The following FHIT variants were observed in gnomAD, a reference collection of about 807,000 sequenced individuals.
FHIT encodes bis(5'-adenosyl)-triphosphatase.
FHIT carries 19 observed loss-of-function variants against 17.9 expected under a neutral mutation model. That is an observed-to-expected ratio of 1.06 (90% CI 0.74 to 1.56). The LOEUF (loss-of-function observed/expected upper bound fraction) is 1.56, where lower values mean the gene tolerates loss of function less well. FHIT is among the 40% of genes most tolerant of loss of function. FHIT has a pLI of 0.00. For missense variants in FHIT, 248 were observed against 189.2 expected (o/e 1.31, Z -1.82); for synonymous variants, 81 against 69.7 (o/e 1.16, Z -0.81).
chr3:60,374,745 A>G (rs1233078130), intron 5 of FHIT, among the ~76,000 whole-genome samples: 4 of 152,018 alleles, frequency 2.6e-5, no homozygotes, highest in African/African-American at 9.7e-5. Flanking sequence ...TTGCATACTC[A>G]ATTTTTCCAC....
At chr3:59,866,309 C>T (rs1702646920) in intron 8 of FHIT, among the ~76,000 whole-genome samples, 1 of 150,830 alleles carries the variant, frequency 6.6e-6, no homozygotes, top group Non-Finnish European at 1.5e-5. Flanking sequence ...CAGAAACAAG[C>T]TTAACGTGTC....
intron 7 of FHIT, among the ~76,000 whole-genome samples, chr3:60,001,946 T>C (rs115909829): frequency 9.7e-4 from 148 of 152,260 alleles, no homozygotes; most frequent in African/African-American, 3.4e-3. Context: ...ATGGAAAGCA[T>C]GATAAGAAAA....
chr3:60,206,937 C>T (rs1036372444), intron 5 of FHIT, among the ~76,000 whole-genome samples: 13 of 152,144 alleles, frequency 8.5e-5, no homozygotes, highest in African/African-American at 2.6e-4. Context: ...ACCCTTACCT[C>T]GGTAAAGAGT....
At chr3:59,879,232 T>C (rs534498441) in intron 8 of FHIT, among the ~76,000 whole-genome samples, 1 of 152,206 alleles carries the variant, frequency 6.6e-6, no homozygotes, top group East Asian at 1.9e-4. Context: ...CTTGTTATCA[T>C]GAAAAATGAC....
rs569911525 is a variant in FHIT, at chr3:61,062,321, T to C, written c.-163-20222A>G. 2.9e-3 allele frequency among the ~76,000 whole-genome samples: 447 copies of C among 152,108 alleles called. 3 individuals are homozygous for C. The highest frequency in any genetic ancestry group is 5.9e-3 in the African/African-American group (245 of 41,494). On this transcript the variant is annotated intron_variant, in intron 2 of 9. Transcript: ENST00000492590. The stretch of plus-strand genomic sequence containing the variant: ...GAGGTTATAATGAGGTCCCTAAGAG[T>C]CCCTTAACCTAATTTACTAGGATCT...
chr3:59,973,522 G>T (rs981393890), intron 7 of FHIT, among the ~76,000 whole-genome samples: 3 of 152,004 alleles, frequency 2.0e-5, no homozygotes, highest in South Asian at 2.1e-4. Flanking sequence ...TTTTAAAGAA[G>T]ATCTCTTGTG....
chr3:60,357,845 G>A (rs982683950), intron 5 of FHIT, among the ~76,000 whole-genome samples: 5 of 151,950 alleles, frequency 3.3e-5, no homozygotes, highest in South Asian at 4.1e-4. Flanking sequence ...AGACTACCTT[G>A]TTGTTCAAGA....
At chr3:61,238,807 T>G (rs1000578740) in intron 1 of FHIT, among the ~76,000 whole-genome samples, 1 of 152,228 alleles carries the variant, frequency 6.6e-6, no homozygotes, top group African/African-American at 2.4e-5. Flanking sequence ...AAACTGTCAG[T>G]CCCTTTCATT....
chr3:60,099,978 A>C (rs1241906729), intron 5 of FHIT, among the ~76,000 whole-genome samples: 1 of 152,170 alleles, frequency 6.6e-6, no homozygotes, highest in Non-Finnish European at 1.5e-5. Flanking sequence ...TGTGTGTTGA[A>C]TTCTGTTCAA....
intron 3 of FHIT, among the ~76,000 whole-genome samples, chr3:60,843,553 G>T (rs1172728425): frequency 1.3e-5 from 2 of 152,136 alleles, no homozygotes; most frequent in Admixed American, 6.6e-5. Context: ...GTGTTCTTGT[G>T]CTGGATTTTG....
intron 2 of FHIT, among the ~76,000 whole-genome samples, chr3:61,133,718 A>G (rs543305705): frequency 2.0e-5 from 3 of 152,284 alleles, no homozygotes; most frequent in South Asian, 2.1e-4. Context: ...CAAGCAAACT[A>G]AATAATACAG....
chr3:61,167,256 A>C (rs2037866523), intron 2 of FHIT, among the ~76,000 whole-genome samples: 1 of 151,750 alleles, frequency 6.6e-6, no homozygotes, highest in Admixed American at 6.6e-5. Flanking sequence ...ATTTAATATA[A>C]ATATAAAAGT....
intron 4 of FHIT, among the ~76,000 whole-genome samples, chr3:60,682,234 A>G (rs1444594735): frequency 2.6e-5 from 4 of 152,000 alleles, no homozygotes; most frequent in Non-Finnish European, 4.4e-5. Context: ...GCCTCCCACA[A>G]TGCTGGGATT....
intron 5 of FHIT, among the ~76,000 whole-genome samples, chr3:60,246,612 G>C (rs1347196799): frequency 6.6e-6 from 1 of 152,152 alleles, no homozygotes; most frequent in African/African-American, 2.4e-5. Flanking sequence ...TTTTAAGGGT[G>C]AGAGCGTAAC....
chr3:61,098,716 T>C (rs72877866), intron 2 of FHIT, among the ~76,000 whole-genome samples: 210 of 152,316 alleles, frequency 1.4e-3, no homozygotes, highest in African/African-American at 4.9e-3. Flanking sequence ...GTGGCAATTA[T>C]GAATGTGACT....
intron 2 of FHIT, among the ~76,000 whole-genome samples, chr3:61,085,937 T>C (rs2106793156): frequency 1.3e-5 from 2 of 152,324 alleles, no homozygotes; most frequent in East Asian, 3.9e-4. Flanking sequence ...TAAAATTTCA[T>C]TTTGTAATTC....
At chr3:60,710,247 A>C (rs2041487341) in intron 4 of FHIT, among the ~76,000 whole-genome samples, 1 of 152,206 alleles carries the variant, frequency 6.6e-6, no homozygotes, top group South Asian at 2.1e-4. Context: ...GTCTTGATTC[A>C]TGCTATGGTG....
At chr3:60,087,175 T>C (rs1176527733) in intron 5 of FHIT, among the ~76,000 whole-genome samples, 2 of 152,204 alleles carry the variant, frequency 1.3e-5, no homozygotes, top group African/African-American at 4.8e-5. Flanking sequence ...CCAGAGCAGC[T>C]GGGATGCAGG....
chr3:60,149,195 T>C (rs1242334646), intron 5 of FHIT, among the ~76,000 whole-genome samples: 2 of 152,186 alleles, frequency 1.3e-5, no homozygotes, highest in African/African-American at 4.8e-5. Context: ...ATTTCTTCTA[T>C]TTACTTTCTG....
Sources: gnomAD v4.1 joint callset for allele counts (sites outside exome capture counted in the v4.1 genomes callset) on GRCh38, gnomAD v4.1.1 for gene constraint, MANE v1.5 for transcripts, NCBI Gene and HGNC (gene_info 2026-07-23, HGNC 2026-07-21) for gene names.